The following NKAIN1 variants were observed in gnomAD, a reference collection of about 807,000 sequenced individuals.
NKAIN1 encodes sodium/potassium transporting ATPase interacting 1.
NKAIN1 carries 13 observed loss-of-function variants against 31.6 expected under a neutral mutation model. That is an observed-to-expected ratio of 0.41 (90% confidence interval 0.27 to 0.65). The LOEUF (loss-of-function observed/expected upper bound fraction) is 0.65, where lower values mean the gene tolerates loss of function less well. NKAIN1 is among the 30% of genes least tolerant of loss of function. NKAIN1 has a pLI of 0.30. For synonymous variants in NKAIN1, 104 were observed against 109.0 expected (o/e 0.95, Z 0.28); for missense variants, 193 against 262.2 (o/e 0.74, Z 1.82).
At chr1:31,234,672 T>C (rs1388918155) in intron 1 of NKAIN1, among the ~76,000 whole-genome samples, 2 of 149,886 alleles carry the variant, frequency 1.3e-5, no homozygotes, top group Non-Finnish European at 2.9e-5. Flanking sequence ...GAAACAACCA[T>C]GGCAGTGATC....
At chr1:31,195,211 T>C (rs1049643984) in intron 1 of NKAIN1, among the ~76,000 whole-genome samples, 1 of 148,338 alleles carries the variant, frequency 6.7e-6, no homozygotes, top group Non-Finnish European at 1.5e-5. Flanking sequence ...CTCCGCCTCC[T>C]GGGTTCAAGC....
At chr1:31,193,715 A>G (rs2148352003) in intron 1 of NKAIN1, 1 of 152,156 alleles carries the variant, frequency 6.6e-6, no homozygotes, top group Admixed American at 6.6e-5. Context: ...AAACAAACAA[A>G]CACCAAGTCA....
intron 1 of NKAIN1, among the ~76,000 whole-genome samples, chr1:31,218,994 C>T (rs1170171421): frequency 6.6e-6 from 1 of 152,256 alleles, no homozygotes; most frequent in Non-Finnish European, 1.5e-5. Flanking sequence ...GGAGCCCTGG[C>T]CTGCATTCTG....
chr1:31,212,348 C>T (rs1645476113), intron 1 of NKAIN1, among the ~76,000 whole-genome samples: 1 of 151,900 alleles, frequency 6.6e-6, no homozygotes, highest in South Asian at 2.1e-4. Flanking sequence ...CTATAAGATC[C>T]TTGGAAGGAA....
At chr1:31,193,258 C>T (rs541081411) in intron 1 of NKAIN1, among the ~76,000 whole-genome samples, 9 of 150,532 alleles carry the variant, frequency 6.0e-5, no homozygotes, top group South Asian at 2.1e-4. Context: ...TTAGTAGAGA[C>T]GGGTTTTCAC....
At chr1:31,228,151 G>A (rs934416755) in intron 1 of NKAIN1, among the ~76,000 whole-genome samples, 8 of 152,284 alleles carry the variant, frequency 5.3e-5, no homozygotes, top group African/African-American at 4.8e-5. Flanking sequence ...GAGCAGTCTC[G>A]GGCTCTGAGC....
At chr1:31,189,365 G>A (rs1187035730) in intron 1 of NKAIN1, among the ~76,000 whole-genome samples, 1 of 152,180 alleles carries the variant, frequency 6.6e-6, no homozygotes, top group African/African-American at 2.4e-5. Flanking sequence ...CGCCCAGGCT[G>A]TAGTGCAGTG....
intron 1 of NKAIN1, among the ~76,000 whole-genome samples, chr1:31,192,872 A>C (rs1645296893): frequency 1.3e-5 from 2 of 150,240 alleles, no homozygotes; most frequent in African/African-American, 4.9e-5. Context: ...TCTTTTAAAA[A>C]ATTTAGATGT....
At chr1:31,232,434 G>T (rs1235032450) in intron 1 of NKAIN1, among the ~76,000 whole-genome samples, 2,105 of 34,006 alleles carry the variant, frequency 0.062, 19 homozygotes, top group Middle Eastern at 0.093. Context: ...TAGAGAGAGA[G>T]AGAGAGAGAG....
At chr1:31,219,012 G>A (rs1360335928) in intron 1 of NKAIN1, among the ~76,000 whole-genome samples, 2 of 152,242 alleles carry the variant, frequency 1.3e-5, no homozygotes, top group African/African-American at 4.8e-5. Flanking sequence ...CTGCCCTCAA[G>A]TCCAGACCCT....
At chr1:31,194,573 A>T (rs2148352354) in intron 1 of NKAIN1, among the ~76,000 whole-genome samples, 1 of 149,728 alleles carries the variant, frequency 6.7e-6, no homozygotes, top group South Asian at 2.1e-4. Context: ...TGCCCTGCCA[A>T]TTATTGTATT....
intron 1 of NKAIN1, among the ~76,000 whole-genome samples, chr1:31,201,077 G>A (rs1016322612): frequency 4.6e-5 from 7 of 152,012 alleles, no homozygotes; most frequent in Non-Finnish European, 1.0e-4. Context: ...AGGCGAAGGC[G>A]GGTGGATCAC....
chr1:31,197,277 A>C lies in NKAIN1; in HGVS notation c.55-9090T>G, dbSNP rs569285780. Among the ~76,000 whole-genome samples the C allele has an allele frequency of 1.1e-4, 17 of 151,628 alleles. No homozygotes were observed. In the South Asian group the frequency reaches 3.6e-3, roughly 32 times the overall value. ...CAGGCACCCACCAGCACGCCCGGCT[A>C]ATTTTTTGTATTTTTAGTAGAGACG... On this transcript the variant is annotated intron_variant, in intron 1 of 6. Coordinates refer to ENST00000373736, the MANE Select transcript of NKAIN1 (RefSeq NM_024522.3).
intron 2 of NKAIN1, among the ~76,000 whole-genome samples, chr1:31,186,594 C>T (rs1419111720): frequency 6.6e-6 from 1 of 151,930 alleles, no homozygotes; most frequent in African/African-American, 2.4e-5. Flanking sequence ...GAGGCAGGAT[C>T]ATGGATGGGG....
Position 31,193,058 on chromosome 1 carries a change from TA to T in NKAIN1, c.55-4872del, listed in dbSNP as rs1404028619. Among the ~76,000 whole-genome samples the T allele has an allele frequency of 3.9e-3, 388 of 99,038 alleles. 2 individuals carry two copies. The highest frequency in any genetic ancestry group is 9.3e-3 in the African/African-American group (366 of 39,360). 65.0% of individuals were successfully genotyped at this position (99,038 alleles called of 152,430 possible). ...ATAAACAATCTCAATTTTATTTTAT[TA>T]TTTATTTTTTTATTTTTTTATTTTT... On this transcript the variant is annotated intron_variant, in intron 1 of 6. Transcript: ENST00000373736.
chr1:31,197,382 A>G (rs1166216709), intron 1 of NKAIN1, among the ~76,000 whole-genome samples: 3 of 151,942 alleles, frequency 2.0e-5, no homozygotes, highest in African/African-American at 4.8e-5. Flanking sequence ...AAGTGCTGGG[A>G]TTACAGGCGT....
intron 1 of NKAIN1, among the ~76,000 whole-genome samples, chr1:31,213,042 GTTT>G (rs34522940): frequency 0.034 from 4,646 of 135,588 alleles, 92 homozygotes; most frequent in Middle Eastern, 0.07. Context: ...TTTTTCTTTT[GTTT>G]TTTTTTTTTT....
At chr1:31,214,024 T>A (rs61778336) in intron 1 of NKAIN1, among the ~76,000 whole-genome samples, 99,598 of 148,292 alleles carry the variant, frequency 0.67, 34,446 homozygotes, top group Middle Eastern at 0.86. Flanking sequence ...ATTAATTAAT[T>A]AATTAATTAA....
intron 1 of NKAIN1, among the ~76,000 whole-genome samples, chr1:31,223,601 C>G (rs374461247): frequency 1.3e-5 from 2 of 152,072 alleles, no homozygotes; most frequent in Non-Finnish European, 2.9e-5. Flanking sequence ...CCTGCCACCA[C>G]ACCCAGCTAA....
Sources: gnomAD v4.1 joint callset for allele counts (sites outside exome capture counted in the v4.1 genomes callset) on GRCh38, gnomAD v4.1.1 for gene constraint, MANE v1.5 for transcripts, NCBI Gene and HGNC (gene_info 2026-07-23, HGNC 2026-07-21) for gene names.